IPCEF1: variants seen among roughly 807,000 people sequenced by gnomAD.
The protein encoded by IPCEF1 is interaction protein for cytohesin exchange factors 1, also known as interactor protein for cytohesin exchange factors 1.
IPCEF1 carries 31 observed loss-of-function variants against 50.9 expected under a neutral mutation model. That is an observed-to-expected ratio of 0.61 (90% CI 0.46 to 0.82). The LOEUF is 0.82. Among genes scored for constraint, IPCEF1 ranks in the 40% least tolerant of loss-of-function variants. The pLI, the probability that IPCEF1 is intolerant of heterozygous loss-of-function variation, is 0.00. For synonymous variants in IPCEF1, 181 were observed against 192.0 expected (o/e 0.94, Z 0.47); for missense variants, 458 against 514.0 (o/e 0.89, Z 1.05).
chr6:154,159,693 G>A lies in IPCEF1; in HGVS notation c.*135C>T, dbSNP rs553667030. 4.4e-6 allele frequency: 3 copies of A among 681,204 alleles called. No individual in the cohort carries two copies. Among genetic ancestry groups the A allele is most frequent in the South Asian group, 1.7e-5 (1 of 58,842 alleles). 42.2% of individuals were successfully genotyped at this position (681,204 alleles called of 1,614,324 possible). A position where few individuals can be genotyped will look rare whatever the true frequency, so the allele number is the denominator to read the frequency against. ...TATTCGGTGATTATCTTCATCTAAC[G>A]TGCATCTTTAGATGGGAAGCTGATG... On this transcript the variant is annotated 3_prime_UTR_variant, in exon 12 of 12. Coordinates refer to ENST00000367220, the MANE Select transcript of IPCEF1 (RefSeq NM_001130700.2).
At chr6:154,348,140 A>T (rs1044252256) in intron 1 of IPCEF1, among the ~76,000 whole-genome samples, 3 of 152,154 alleles carry the variant, frequency 2.0e-5, no homozygotes, top group African/African-American at 7.2e-5. Context: ...AAGGCAACTA[A>T]TTTGTACATA....
At chr6:154,340,096 C>T (rs1165533339) in intron 1 of IPCEF1, among the ~76,000 whole-genome samples, 2 of 151,870 alleles carry the variant, frequency 1.3e-5, no homozygotes, top group Non-Finnish European at 2.9e-5. Context: ...GAGTGAACCC[C>T]GAAAATTTGA....
At chr6:154,322,963 A>G (rs951000367) in intron 1 of IPCEF1, among the ~76,000 whole-genome samples, 2 of 152,172 alleles carry the variant, frequency 1.3e-5, no homozygotes, top group Non-Finnish European at 2.9e-5. Flanking sequence ...ACAAAAACAA[A>G]ACAAATATAT....
intron 3 of IPCEF1, among the ~76,000 whole-genome samples, chr6:154,258,728 G>A (rs749477726): frequency 6.6e-6 from 1 of 152,004 alleles, no homozygotes; most frequent in Non-Finnish European, 1.5e-5. Context: ...TCTCATTCCT[G>A]GACTCCCCGT....
At chr6:154,302,177 G>A (rs953134025) in intron 1 of IPCEF1, among the ~76,000 whole-genome samples, 3 of 152,190 alleles carry the variant, frequency 2.0e-5, no homozygotes, top group Admixed American at 6.5e-5. Context: ...TTATCTGACA[G>A]CTAGCTTCTG....
chr6:154,239,774 G>T lies in IPCEF1; in HGVS notation c.246+6817C>A, dbSNP rs147891923. Among the ~76,000 whole-genome samples, 890 of 152,320 alleles carry T rather than the reference G, an allele frequency of 5.8e-3. 4 individuals are homozygous for T. The highest frequency in any genetic ancestry group is 0.01 in the Non-Finnish European group (690 of 68,034). On this transcript the variant is annotated intron_variant, in intron 5 of 11. Coordinates refer to ENST00000367220, the MANE Select transcript of IPCEF1 (RefSeq NM_001130700.2). ...GCTGGAGTGCAGTGATGTGATCTCG[G>T]CTAACTGCAACCTCCGCCTCCCATG... is the stretch of plus-strand genomic sequence containing the variant.
At chr6:154,355,838 A>G (rs1041379202) in intron 1 of IPCEF1, among the ~76,000 whole-genome samples, 4 of 146,970 alleles carry the variant, frequency 2.7e-5, no homozygotes, top group African/African-American at 1.0e-4. Context: ...TCCTGTAGAG[A>G]TGAGGTCTCA....
At chr6:154,346,651 G>A (rs186819536) in intron 1 of IPCEF1, among the ~76,000 whole-genome samples, 9 of 152,346 alleles carry the variant, frequency 5.9e-5, no homozygotes, top group African/African-American at 1.9e-4. Context: ...TTACAGTCAT[G>A]GTGGAACGGG....
Position 154,155,065 on chromosome 6 carries a change from C to T in IPCEF1, c.*4763G>A, listed in dbSNP as rs1384662631. 1 of 151,942 alleles carries T rather than the reference C, an allele frequency of 6.6e-6. No homozygotes were observed. The highest frequency in any genetic ancestry group is 1.5e-5 in the Non-Finnish European group (1 of 67,992). 9.4% of individuals were successfully genotyped at this position (151,942 alleles called of 1,614,324 possible). ...AAGAATCCATTATTTTCAATGTTTT[C>T]TATGTGGTTCTGGGGTCATGTGGGA... On this transcript the variant is annotated 3_prime_UTR_variant, in exon 12 of 12. Coordinates refer to ENST00000367220, the MANE Select transcript of IPCEF1 (RefSeq NM_001130700.2).
At chr6:154,349,417 G>A (rs969910193) in intron 1 of IPCEF1, among the ~76,000 whole-genome samples, 2 of 151,222 alleles carry the variant, frequency 1.3e-5, no homozygotes, top group Admixed American at 6.6e-5. Context: ...TACAGACGAG[G>A]TCTTGCTATA....
At chr6:154,188,262 A>G (rs1801557785) in intron 10 of IPCEF1, among the ~76,000 whole-genome samples, 1 of 152,250 alleles carries the variant, frequency 6.6e-6, no homozygotes, top group Non-Finnish European at 1.5e-5. Flanking sequence ...AGCATTTAAA[A>G]CTATGAAATA....
In IPCEF1 at chr6:154,272,270, A is replaced by C. The variant is rs138362532; in HGVS notation, c.-17-6306T>G. On this transcript the variant is annotated intron_variant, in intron 2 of 11. Transcript: ENST00000367220. ...TACCTAGAAATAGCTTCATTATACA[A>C]AACTATCCTTCCTAATGGAATTAGT... 2.6e-3 allele frequency among the ~76,000 whole-genome samples: 401 copies of C among 152,346 alleles called. 2 individuals are homozygous for C. The highest frequency in any genetic ancestry group is 7.8e-3 in the African/African-American group (325 of 41,568).
At chr6:154,170,667 C>A (rs564689437) in intron 10 of IPCEF1, among the ~76,000 whole-genome samples, 2 of 152,200 alleles carry the variant, frequency 1.3e-5, no homozygotes, top group African/African-American at 4.8e-5. Flanking sequence ...CAAAAGTGGG[C>A]TTTTGTCAAT....
At chr6:154,304,324 A>C (rs1196281091) in intron 1 of IPCEF1, among the ~76,000 whole-genome samples, 2 of 152,220 alleles carry the variant, frequency 1.3e-5, no homozygotes, top group African/African-American at 4.8e-5. Flanking sequence ...GCTCTTCCTT[A>C]AAGAGTATAG....
rs1562515889 is a variant in IPCEF1, at chr6:154,159,881, G to T, written c.1264C>A (p.Pro422Thr). 3 of 1,613,198 alleles carry T rather than the reference G, an allele frequency of 1.9e-6. No individual in the cohort carries two copies. In the South Asian group the frequency reaches 3.3e-5, roughly 18 times the overall value. The change falls in exon 12 of 12, where the codon CCC (proline) becomes ACC (threonine). Residue 422 changes from proline to threonine, a missense_variant. Physicochemically the swap from Pro to Thr is conservative, Grantham distance 38 (BLOSUM62 -1). Transcript: ENST00000367220. ...GAAGGTGATTTCTTGAGTTCCTGGG[G>T]GGTGTCATCAGTGTCATCAGGGGCA... ...SPAPDDTDDT[P>T]QELKKSPSSP...
intron 11 of IPCEF1, among the ~76,000 whole-genome samples, chr6:154,163,702 ATGAATAAATGAATT>A (rs1799205805): frequency 6.6e-6 from 1 of 152,206 alleles, no homozygotes; most frequent in Non-Finnish European, 1.5e-5. Context: ...TAAGAAATAA[ATGAATAAATGAATT>A]ACCAATTTGC....
intron 3 of IPCEF1, among the ~76,000 whole-genome samples, chr6:154,261,356 T>C (rs764160876): frequency 7.2e-5 from 11 of 152,110 alleles, no homozygotes; most frequent in Non-Finnish European, 1.6e-4. Flanking sequence ...CAAAGGACAA[T>C]GGGACATTGA....
intron 2 of IPCEF1, among the ~76,000 whole-genome samples, chr6:154,281,882 T>C (rs561157160): frequency 1.3e-5 from 2 of 152,258 alleles, no homozygotes; most frequent in Admixed American, 1.3e-4. Flanking sequence ...CACACACCTG[T>C]AATCCCAGCT....
chr6:154,280,255 T>G (rs189976448), intron 2 of IPCEF1, among the ~76,000 whole-genome samples: 2 of 152,302 alleles, frequency 1.3e-5, no homozygotes, highest in African/African-American at 2.4e-5. Flanking sequence ...TCTATCCAGT[T>G]CATTAATAAC....
Sources: allele counts gnomAD v4.1 joint callset (sites outside exome capture counted in the v4.1 genomes callset), GRCh38; gene constraint gnomAD v4.1.1; transcripts MANE v1.5; gene names NCBI Gene and HGNC (gene_info 2026-07-23, HGNC 2026-07-21).